Variants in JAKMIP1 observed in about 807,000 individuals in gnomAD.
JAKMIP1 encodes janus kinase and microtubule interacting protein 1, also known as janus kinase and microtubule-interacting protein 1.
JAKMIP1 carries 33 observed loss-of-function variants against 113.0 expected under a neutral mutation model. The ratio of observed to expected loss-of-function variants is 0.29; its 90% confidence interval spans 0.22 to 0.39. The LOEUF (loss-of-function observed/expected upper bound fraction) is 0.39, where lower values mean the gene tolerates loss of function less well. Ranked by LOEUF, JAKMIP1 falls within the 10% of genes least tolerant of loss-of-function variation. The probability of loss-of-function intolerance (pLI) is 1.00; values close to 1 mark genes in which losing one functional copy is unlikely to be tolerated. For synonymous variants in JAKMIP1, 480 were observed against 459.9 expected, an observed-to-expected ratio of 1.04 and a Z score of -0.56; for missense variants, 813 against 1,080.5, an observed-to-expected ratio of 0.75 and a Z score of 3.47.
intron 3 of JAKMIP1, among the ~76,000 whole-genome samples, chr4:6,092,977 A>G (rs550038955): frequency 1.3e-5 from 2 of 152,326 alleles, no homozygotes; most frequent in East Asian, 3.9e-4. Context: ...GGATTCCATT[A>G]TATTTTCATT....
chr4:6,126,358 G>C (rs1474724052), intron 1 of JAKMIP1, among the ~76,000 whole-genome samples: 16 of 128,724 alleles, frequency 1.2e-4, no homozygotes, highest in African/African-American at 4.3e-4. Context: ...ACACCATGCA[G>C]AAACACACAC....
In JAKMIP1 at chr4:6,136,517, C is replaced by A. The variant is rs889221647; in HGVS notation, c.-147-23520G>T. Reference sequence around the variant, plus strand: ...AGGTCCCAAGAGGGAGGCCTCGCTTCCCATATTTTGTATCTGAGACAATTT... The same window carrying A: ...AGGTCCCAAGAGGGAGGCCTCGCTTACCATATTTTGTATCTGAGACAATTT... On this transcript the variant is annotated intron_variant, in intron 1 of 20. Transcript: ENST00000409021. The surrounding 1 kb of genome is among the most constrained non-coding windows in gnomAD (Gnocchi z 5.9). 1.3e-5 allele frequency among the ~76,000 whole-genome samples: 2 copies of A among 152,110 alleles called. No individual in the cohort carries two copies. The highest frequency in any genetic ancestry group is 4.8e-5 in the African/African-American group (2 of 41,420).
chr4:6,117,202 T>C (rs1013849931), intron 1 of JAKMIP1, among the ~76,000 whole-genome samples: 1 of 152,192 alleles, frequency 6.6e-6, no homozygotes, highest in Non-Finnish European at 1.5e-5. Context: ...GTGCAGATGG[T>C]AATTATCGGG....
At position 6,084,562 on chromosome 4, in the gene JAKMIP1, G is replaced by A. The variant is rs1019967769; in HGVS notation, c.954+284C>T. On this transcript the variant is annotated intron_variant, in intron 5 of 20. Coordinates refer to ENST00000409021, the MANE Select transcript of JAKMIP1 (RefSeq NM_001099433.2). ...GGTTTTTTAATTGTTGATTTTTTTC[G>A]GTTTCGGTTGTTAACATAAACAACA... 2.7e-4 allele frequency among the ~76,000 whole-genome samples: 41 copies of A among 151,784 alleles called. 1 individual carries two copies. Among genetic ancestry groups the A allele is most frequent in the East Asian group, 3.9e-4 (2 of 5,148 alleles).
At position 6,078,943 on chromosome 4, in the gene JAKMIP1, G is replaced by T; in HGVS notation, c.1298C>A (p.Pro433His). 1.9e-6 allele frequency: 3 copies of T among 1,614,142 alleles called. No individual in the cohort carries two copies. Among genetic ancestry groups the T allele is most frequent in the Non-Finnish European group, 2.5e-6 (3 of 1,180,020 alleles). ...GGTGCACCATCGCAGGCTCACCTTG[G>T]GCGGTTTCAGACTTTTCCCTCGATG... is the stretch of plus-strand genomic sequence containing the variant. ...KRHRGKSLKP[P>H]KKHVVETFFG... Residue 433 changes from proline to histidine, a missense_variant, in exon 8 of 21, where the codon CCC (proline) becomes CAC (histidine). Pro to His is a moderately conservative substitution (Grantham distance 77). Transcript: ENST00000409021.
rs926161189 is a variant in JAKMIP1, at chr4:6,138,849, C to A, written c.-147-25852G>T. On this transcript the variant is annotated intron_variant, in intron 1 of 20. Coordinates refer to ENST00000409021, the MANE Select transcript of JAKMIP1 (RefSeq NM_001099433.2). This position sits in a 1 kb window ranked among gnomAD's most constrained non-coding sequence, Gnocchi z 6.0. ...ATGAGGAAAATCATAGTACCTGCCCCGGCAAAAGCGAATGCGCACAGAGCA... is the reference window on the plus strand; with the variant it reads ...ATGAGGAAAATCATAGTACCTGCCCAGGCAAAAGCGAATGCGCACAGAGCA... Among the ~76,000 whole-genome samples, 3 of 152,110 alleles carry A rather than the reference C, an allele frequency of 2.0e-5. No homozygotes were observed. The highest frequency in any genetic ancestry group is 4.4e-5 in the Non-Finnish European group (3 of 68,038).
At chr4:6,082,906 A>G (rs1720795456) in intron 5 of JAKMIP1, among the ~76,000 whole-genome samples, 1 of 152,162 alleles carries the variant, frequency 6.6e-6, no homozygotes, top group South Asian at 2.1e-4. Flanking sequence ...AAAGACAAAG[A>G]CAGATCTCTA....
chr4:6,169,166 G>A (rs949278395), intron 1 of JAKMIP1, among the ~76,000 whole-genome samples: 1 of 152,166 alleles, frequency 6.6e-6, no homozygotes, highest in Admixed American at 6.5e-5. Context: ...TTTTAAAAAT[G>A]TTCATGTATT....
intron 16 of JAKMIP1, among the ~76,000 whole-genome samples, chr4:6,043,376 G>A (rs1186592609): frequency 1.3e-5 from 2 of 151,592 alleles, no homozygotes; most frequent in Non-Finnish European, 2.9e-5. Flanking sequence ...GGTCACCCTC[G>A]CCAGGTCACC....
At chr4:6,047,418 G>C (rs1374674452) in intron 16 of JAKMIP1, among the ~76,000 whole-genome samples, 1 of 152,250 alleles carries the variant, frequency 6.6e-6, no homozygotes, top group Non-Finnish European at 1.5e-5. Flanking sequence ...CTGCTGGAAA[G>C]GAAGGTGCTG....
intron 1 of JAKMIP1, among the ~76,000 whole-genome samples, chr4:6,161,307 A>AT (rs1722926622): frequency 2.0e-4 from 29 of 143,598 alleles, no homozygotes; most frequent in African/African-American, 7.2e-4. Flanking sequence ...ACCTCCACTG[A>AT]CTTCTATGGC....
chr4:6,026,661 A>C (rs1452149926), intron 20 of JAKMIP1, among the ~76,000 whole-genome samples: 2 of 151,984 alleles, frequency 1.3e-5, no homozygotes, highest in Non-Finnish European at 2.9e-5. Flanking sequence ...GCTCCCACCA[A>C]GAGACGGGGG....
rs1197484474 is a variant in JAKMIP1, at chr4:6,176,171, G to A, written c.-148+24082C>T. 6.6e-6 allele frequency among the ~76,000 whole-genome samples: 1 copy of A among 152,192 alleles called. No individual in the cohort carries two copies. Among genetic ancestry groups the A allele is most frequent in the Non-Finnish European group, 1.5e-5 (1 of 68,038 alleles). On this transcript the variant is annotated intron_variant, in intron 1 of 20. Coordinates refer to ENST00000409021, the MANE Select transcript of JAKMIP1 (RefSeq NM_001099433.2). The surrounding 1 kb of genome is among the most constrained non-coding windows in gnomAD (Gnocchi z 5.5). ...CTCTAACAGGCTTGAGTTTGACTTTGAGCACAGTGGGGAGCCACGGAGAGG... is the reference window on the plus strand; with the variant it reads ...CTCTAACAGGCTTGAGTTTGACTTTAAGCACAGTGGGGAGCCACGGAGAGG...
chr4:6,049,866 T>C lies in JAKMIP1; in HGVS notation c.1915A>G (p.Asn639Asp). ...FCHQEGVKDVNVSELMKKLDI... is the reference protein window; with the variant it reads ...FCHQEGVKDVDVSELMKKLDI... ...AATTTCTTCATAAGTTCAGAAACAT[T>C]CACATCCTGGAAGAGATTTCCAACG... is the stretch of plus-strand genomic sequence containing the variant. The change falls in exon 15 of 21, where the codon AAT becomes GAT. Residue 639 changes from asparagine (N) to aspartate (D), a missense_variant. Coordinates refer to ENST00000409021, the MANE Select transcript of JAKMIP1 (RefSeq NM_001099433.2). The surrounding 1 kb of genome is among the most constrained non-coding windows in gnomAD (Gnocchi z 7.0). 1 of 1,611,588 alleles carries C rather than the reference T, an allele frequency of 6.2e-7. No individual in the cohort carries two copies. The highest frequency in any genetic ancestry group is 8.5e-7 in the Non-Finnish European group (1 of 1,177,888).
chr4:6,146,997 T>G (rs1720935243), intron 1 of JAKMIP1, among the ~76,000 whole-genome samples: 1 of 152,192 alleles, frequency 6.6e-6, no homozygotes, highest in African/African-American at 2.4e-5. Context: ...TTGCTCTTGT[T>G]GCCCAGGCTG....
chr4:6,029,635 T>C (rs1201460493), intron 20 of JAKMIP1, 81 bp downstream of exon 20: 3 of 922,284 alleles, frequency 3.3e-6, no homozygotes, highest in African/African-American at 1.6e-5. Context: ...GTCTATGCTT[T>C]GGACCTTATG....
Position 6,158,634 on chromosome 4 carries a change from C to A in JAKMIP1, c.-148+41619G>T, listed in dbSNP as rs1260646860. Among the ~76,000 whole-genome samples the A allele has an allele frequency of 6.6e-6, 1 of 152,044 alleles. No individual in the cohort carries two copies. The highest frequency in any genetic ancestry group is 1.5e-5 in the Non-Finnish European group (1 of 68,012). On this transcript the variant is annotated intron_variant, in intron 1 of 20. Coordinates refer to ENST00000409021, the MANE Select transcript of JAKMIP1 (RefSeq NM_001099433.2). The surrounding 1 kb of genome is among the most constrained non-coding windows in gnomAD (Gnocchi z 5.3). ...TCTCCACCCCCCACCCCCACCAGCC[C>A]CAGCTAGTAGTCATCATTTCCACAA...
intron 5 of JAKMIP1, among the ~76,000 whole-genome samples, chr4:6,082,410 G>C (rs1279344864): frequency 6.6e-6 from 1 of 151,578 alleles, no homozygotes; most frequent in Non-Finnish European, 1.5e-5. Flanking sequence ...ATACATACGT[G>C]TCTTTACTGA....
intron 8 of JAKMIP1, among the ~76,000 whole-genome samples, chr4:6,072,187 G>T (rs1369511098): frequency 3.9e-5 from 6 of 152,102 alleles, no homozygotes; most frequent in Admixed American, 3.9e-4. Context: ...CACAACCTGT[G>T]GATTCAGTCA....
Sources: allele counts gnomAD v4.1 joint callset (sites outside exome capture counted in the v4.1 genomes callset), GRCh38; gene constraint gnomAD v4.1.1; non-coding constraint Gnocchi (gnomAD v3.1); transcripts MANE v1.5; gene names NCBI Gene and HGNC (gene_info 2026-07-23, HGNC 2026-07-21).